Variants in RAB3C observed in about 807,000 individuals in gnomAD.
RAB3C encodes the protein RAB3C, member RAS oncogene family, also known as ras-related protein Rab-3C.
A neutral mutation model predicts 26.4 loss-of-function variants in RAB3C; 17 were observed. The ratio of observed to expected loss-of-function variants is 0.64; its 90% CI spans 0.44 to 0.97. RAB3C has a LOEUF of 0.97. RAB3C is among the 50% of genes least tolerant of loss of function. RAB3C has a pLI of 0.00. For synonymous variants in RAB3C, 91 were observed against 95.9 expected (o/e 0.95, Z 0.30); for missense variants, 242 against 281.9 (o/e 0.86, Z 1.01).
intron 3 of RAB3C, among the ~76,000 whole-genome samples, chr5:58,802,899 C>T (rs1306545255): frequency 2.0e-5 from 3 of 152,202 alleles, no homozygotes; most frequent in Non-Finnish European, 4.4e-5. Flanking sequence ...TTCCAGCTTG[C>T]TACTGAAGTC....
chr5:58,833,015 A>G (rs1743649407), intron 4 of RAB3C, among the ~76,000 whole-genome samples: 1 of 107,404 alleles, frequency 9.3e-6, no homozygotes, highest in African/African-American at 3.6e-5. Flanking sequence ...ATTTATTCGT[A>G]CCTCAATTTT....
At chr5:58,612,943 T>G (rs1188045427) in intron 1 of RAB3C, among the ~76,000 whole-genome samples, 2 of 152,110 alleles carry the variant, frequency 1.3e-5, no homozygotes, top group African/African-American at 4.8e-5. Context: ...CCATTCAGTA[T>G]GAAACGTAAT....
intron 2 of RAB3C, among the ~76,000 whole-genome samples, chr5:58,628,450 C>T (rs1747112623): frequency 6.6e-6 from 1 of 152,132 alleles, no homozygotes; most frequent in African/African-American, 2.4e-5. Flanking sequence ...TTAGGAAAGA[C>T]CTGTAGCTGT....
chr5:58,833,324 T>TCACATACACACA (rs1554021455), intron 4 of RAB3C, among the ~76,000 whole-genome samples: 1 of 141,070 alleles, frequency 7.1e-6, no homozygotes, highest in Non-Finnish European at 1.5e-5. Flanking sequence ...ACGGACCCCA[T>TCACATACACACA]CACACACACA....
intron 2 of RAB3C, among the ~76,000 whole-genome samples, chr5:58,717,972 A>T (rs753348023): frequency 4.6e-5 from 7 of 152,128 alleles, no homozygotes; most frequent in Non-Finnish European, 7.4e-5. Flanking sequence ...ATTTTAGGGC[A>T]ATAGTAAAAG....
intron 1 of RAB3C, among the ~76,000 whole-genome samples, chr5:58,596,499 A>G (rs960251039): frequency 2.9e-5 from 4 of 138,488 alleles, no homozygotes; most frequent in African/African-American, 1.1e-4. Flanking sequence ...ATATATATAT[A>G]AATATATAAT....
intron 3 of RAB3C, among the ~76,000 whole-genome samples, chr5:58,799,257 A>C (rs1742746629): frequency 6.6e-6 from 1 of 152,166 alleles, no homozygotes; most frequent in South Asian, 2.1e-4. Flanking sequence ...GTGTTATATG[A>C]AAAGAGACAA....
intron 4 of RAB3C, among the ~76,000 whole-genome samples, chr5:58,825,831 A>G (rs762473295): frequency 4.2e-4 from 64 of 152,298 alleles, no homozygotes; most frequent in Non-Finnish European, 5.6e-4. Context: ...GGAGGGATTG[A>G]TGATTGATGA....
chr5:58,778,778 C>G (rs977441525), intron 3 of RAB3C, among the ~76,000 whole-genome samples: 2 of 152,084 alleles, frequency 1.3e-5, no homozygotes, highest in African/African-American at 4.8e-5. Flanking sequence ...ACATATATGT[C>G]TTAAGTTTAG....
intron 2 of RAB3C, among the ~76,000 whole-genome samples, chr5:58,719,563 G>A (rs1740696782): frequency 6.6e-6 from 1 of 151,970 alleles, no homozygotes; most frequent in Non-Finnish European, 1.5e-5. Flanking sequence ...CACAAACTGG[G>A]TGGCTTAACA....
intron 3 of RAB3C, among the ~76,000 whole-genome samples, chr5:58,756,692 A>T (rs1741675162): frequency 7.2e-6 from 1 of 139,730 alleles, no homozygotes; most frequent in African/African-American, 2.7e-5. Context: ...CAAATATGTG[A>T]TGTTTGGTTT....
intron 4 of RAB3C, among the ~76,000 whole-genome samples, chr5:58,833,642 T>C (rs1295854473): frequency 6.6e-6 from 1 of 152,004 alleles, no homozygotes; most frequent in East Asian, 1.9e-4. Context: ...ATCAACACAC[T>C]AACAGGCAGA....
intron 2 of RAB3C, among the ~76,000 whole-genome samples, chr5:58,652,300 A>C (rs1433395387): frequency 6.6e-6 from 1 of 151,854 alleles, no homozygotes; most frequent in Non-Finnish European, 1.5e-5. Context: ...CTATATACTT[A>C]GAGAATATAA....
At chr5:58,769,133 C>T (rs750524114) in intron 3 of RAB3C, among the ~76,000 whole-genome samples, 3 of 151,742 alleles carry the variant, frequency 2.0e-5, no homozygotes, top group Admixed American at 6.6e-5. Context: ...CTGAGCTTCT[C>T]GGTAGATGAT....
chr5:58,651,278 G>C (rs945873396), intron 2 of RAB3C, among the ~76,000 whole-genome samples: 1 of 152,100 alleles, frequency 6.6e-6, no homozygotes, highest in Admixed American at 6.6e-5. Context: ...CTGACACTGA[G>C]TGTATTTTTC....
rs183866546 is a variant in RAB3C at position 58,842,475 on chromosome 5, C to T, written c.497-8689C>T. ...TGCTTTCAGCTGTGTACAGACTGAC[C>T]CATGATATTTCATCCGTGTAAGCCA... On this transcript the variant is annotated intron_variant, in intron 4 of 4. Transcript: ENST00000282878. Among the ~76,000 whole-genome samples the T allele has an allele frequency of 3.2e-4, 49 of 152,314 alleles. 1 individual carries two copies. In the East Asian group the frequency reaches 9.5e-3, roughly 29 times the overall value.
At chr5:58,744,295 A>G (rs188397281) in intron 3 of RAB3C, among the ~76,000 whole-genome samples, 1 of 152,352 alleles carries the variant, frequency 6.6e-6, no homozygotes, top group Admixed American at 6.5e-5. Context: ...AGTTGTTTCT[A>G]TCAAAGATTT....
intron 2 of RAB3C, among the ~76,000 whole-genome samples, chr5:58,637,289 G>A (rs1252047883): frequency 6.6e-6 from 1 of 151,974 alleles, no homozygotes; most frequent in East Asian, 1.9e-4. Flanking sequence ...GCTGTATTCT[G>A]TAATTTTTTA....
At chr5:58,730,113 C>T (rs1308077911) in intron 3 of RAB3C, among the ~76,000 whole-genome samples, 1 of 151,470 alleles carries the variant, frequency 6.6e-6, no homozygotes, top group Non-Finnish European at 1.5e-5. Flanking sequence ...GCCGCTATGG[C>T]ACCAATTATA....
Sources: gnomAD v4.1 joint callset for allele counts (sites outside exome capture counted in the v4.1 genomes callset) on GRCh38, gnomAD v4.1.1 for gene constraint, MANE v1.5 for transcripts, NCBI Gene and HGNC (gene_info 2026-07-23, HGNC 2026-07-21) for gene names.